CELF4: variants seen among roughly 807,000 people sequenced by gnomAD.
CELF4 encodes the protein CUG-BP- and ETR-3-like factor 4.
In CELF4, 18 loss-of-function variants were observed where a neutral mutation model predicts 59.9. The ratio of observed to expected loss-of-function variants is 0.30; its 90% CI spans 0.21 to 0.45. CELF4 has a LOEUF of 0.45. Among genes scored for constraint, CELF4 ranks in the 20% least tolerant of loss-of-function variants. The pLI is 1.00. For synonymous variants in CELF4, 261 were observed against 267.1 expected, an observed-to-expected ratio of 0.98 and a Z score of 0.22; for missense variants, 456 against 689.0, an observed-to-expected ratio of 0.66 and a Z score of 3.79.
At chr18:37,515,256 C>G (rs1381095704) in intron 1 of CELF4, among the ~76,000 whole-genome samples, 1 of 152,164 alleles carries the variant, frequency 6.6e-6, no homozygotes, top group East Asian at 1.9e-4. Context: ...CATCTTGCCT[C>G]CCTAAATGCC....
At chr18:37,290,078 G>A (rs1383054184) in intron 3 of CELF4, among the ~76,000 whole-genome samples, 4 of 152,182 alleles carry the variant, frequency 2.6e-5, no homozygotes, top group Non-Finnish European at 5.9e-5. Flanking sequence ...AGGGCTTGAT[G>A]CTGGGGAATT....
chr18:37,380,516 T>C (rs1330055715), intron 2 of CELF4, among the ~76,000 whole-genome samples: 2 of 152,174 alleles, frequency 1.3e-5, no homozygotes, highest in Non-Finnish European at 2.9e-5. Flanking sequence ...CCAGCATCCA[T>C]CCACCATTCA....
At chr18:37,557,936 T>C (rs2099985283) in intron 1 of CELF4, among the ~76,000 whole-genome samples, 1 of 150,854 alleles carries the variant, frequency 6.6e-6, no homozygotes. Flanking sequence ...AGAAACCAAA[T>C]GTGGAACAAG....
At chr18:37,432,487 A>G (rs2099672927) in intron 2 of CELF4, among the ~76,000 whole-genome samples, 2 of 152,240 alleles carry the variant, frequency 1.3e-5, no homozygotes, top group African/African-American at 4.8e-5. Context: ...TTTATAAACA[A>G]CAAAGACAAT....
At chr18:37,301,480 C>T (rs1235858153) in intron 3 of CELF4, among the ~76,000 whole-genome samples, 1 of 152,192 alleles carries the variant, frequency 6.6e-6, no homozygotes, top group South Asian at 2.1e-4. Context: ...AGGACAGCTA[C>T]CACAAAGTCC....
chr18:37,553,384 T>A (rs2099983840), intron 1 of CELF4, among the ~76,000 whole-genome samples: 1 of 152,092 alleles, frequency 6.6e-6, no homozygotes, highest in Non-Finnish European at 1.5e-5. Context: ...ACACGTAGCA[T>A]ATGAGTGTGC....
chr18:37,372,950 C>A (rs1201336261), intron 2 of CELF4, among the ~76,000 whole-genome samples: 1 of 152,118 alleles, frequency 6.6e-6, no homozygotes, highest in African/African-American at 2.4e-5. Flanking sequence ...GGGACAAGAG[C>A]CCCAATCATT....
At chr18:37,533,514 G>A (rs111234015) in intron 1 of CELF4, among the ~76,000 whole-genome samples, 1 of 152,188 alleles carries the variant, frequency 6.6e-6, no homozygotes, top group Non-Finnish European at 1.5e-5. Flanking sequence ...ACATGGCCAT[G>A]TGGAGCCCCC....
chr18:37,509,766 C>T (rs1008640267), intron 1 of CELF4, among the ~76,000 whole-genome samples: 2 of 152,218 alleles, frequency 1.3e-5, no homozygotes, highest in African/African-American at 4.8e-5. Context: ...CCTACATTTT[C>T]ATCAGCTTAT....
At position 37,530,774 on chromosome 18, in the gene CELF4, C is replaced by G. The variant is rs576992193; in HGVS notation, c.286+34582G>C. Among the ~76,000 whole-genome samples the G allele has an allele frequency of 2.6e-5, 4 of 152,122 alleles. No individual in the cohort carries two copies. The East Asian group carries it at 5.8e-4, about 22-fold the overall frequency. On this transcript the variant is annotated intron_variant, in intron 1 of 12. Transcript: ENST00000420428. ...GCGGCTCTGTCCTGACAAGCCCTTTCGGCCCTATCTCTAATCTTCTCTGGG... is the reference window on the plus strand; with the variant it reads ...GCGGCTCTGTCCTGACAAGCCCTTTGGGCCCTATCTCTAATCTTCTCTGGG...
intron 3 of CELF4, among the ~76,000 whole-genome samples, chr18:37,287,001 C>A (rs951236110): frequency 1.3e-5 from 2 of 152,262 alleles, no homozygotes; most frequent in East Asian, 3.9e-4. Context: ...GCTGCCCCTG[C>A]GCCCTCAGGA....
Position 37,299,365 on chromosome 18 carries a change from G to A in CELF4, c.448+22438C>T, listed in dbSNP as rs541419357. 1.1e-3 allele frequency among the ~76,000 whole-genome samples: 175 copies of A among 152,334 alleles called. 1 individual carries two copies. Among genetic ancestry groups the A allele is most frequent in the African/African-American group, 4.0e-3 (168 of 41,578 alleles). On this transcript the variant is annotated intron_variant, in intron 3 of 12. Transcript: ENST00000420428. The stretch of plus-strand genomic sequence containing the variant: ...GGCCCATCCCTTAGAAGTGAGGGGA[G>A]GAAAAAGGGATGGCCAGGGCCCAGT...
intron 3 of CELF4, among the ~76,000 whole-genome samples, chr18:37,288,766 T>C (rs1303403766): frequency 6.6e-6 from 1 of 152,148 alleles, no homozygotes; most frequent in Non-Finnish European, 1.5e-5. Flanking sequence ...GGGGAGAGTT[T>C]GCTTTCCTGA....
chr18:37,369,363 T>C (rs984260887), intron 2 of CELF4, among the ~76,000 whole-genome samples: 2 of 152,152 alleles, frequency 1.3e-5, no homozygotes, highest in African/African-American at 4.8e-5. Flanking sequence ...GGCTACAGTA[T>C]CTTCTAGAGG....
chr18:37,475,113 C>G (rs1569569573), intron 2 of CELF4, among the ~76,000 whole-genome samples: 1 of 152,222 alleles, frequency 6.6e-6, no homozygotes, highest in Non-Finnish European at 1.5e-5. Context: ...GCTGGTCTGC[C>G]TGATAAGACA....
In CELF4 at chr18:37,300,889, A is replaced by G. The variant is rs567579989; in HGVS notation, c.448+20914T>C. ...GAGGGAGCAGCTAGTGCAAAGGCCC[A>G]GAGCAGGTAAGTTTGAGGAACAGCC... is the stretch of plus-strand genomic sequence containing the variant. On this transcript the variant is annotated intron_variant, in intron 3 of 12. Coordinates refer to ENST00000420428, the MANE Select transcript of CELF4 (RefSeq NM_020180.4). Among the ~76,000 whole-genome samples the G allele has an allele frequency of 2.6e-5, 4 of 152,338 alleles. No homozygotes were observed. The East Asian group carries it at 7.7e-4, about 29-fold the overall frequency.
chr18:37,439,989 C>A (rs539927627), intron 2 of CELF4, among the ~76,000 whole-genome samples: 1 of 152,364 alleles, frequency 6.6e-6, no homozygotes, highest in East Asian at 1.9e-4. Flanking sequence ...GGATGGCCCA[C>A]CTCTGCCACT....
chr18:37,274,529 G>C, intron 5 of CELF4, 75 bp from the exon 6 acceptor site: 1 of 1,601,364 alleles, frequency 6.2e-7, no homozygotes, highest in Admixed American at 1.7e-5. Flanking sequence ...TCTGGCCTGC[G>C]CCCACCCCGC....
intron 2 of CELF4, among the ~76,000 whole-genome samples, chr18:37,403,927 C>T (rs2099356520): frequency 6.6e-6 from 1 of 152,174 alleles, no homozygotes; most frequent in South Asian, 2.1e-4. Context: ...ACTTCCTTAC[C>T]TCAGGGCTCT....
Sources: allele counts gnomAD v4.1 joint callset (sites outside exome capture counted in the v4.1 genomes callset), GRCh38; gene constraint gnomAD v4.1.1; transcripts MANE v1.5; gene names NCBI Gene and HGNC (gene_info 2026-07-23, HGNC 2026-07-21).